The following GFRA1 variants were observed in gnomAD, a reference collection of about 807,000 sequenced individuals.
The protein encoded by GFRA1 is GDNF family receptor alpha 1.
Under a neutral mutation model 51.6 loss-of-function variants are expected in GFRA1, and 16 were observed. The observed-to-expected ratio is 0.31, with a 90% confidence interval of 0.21 to 0.47. The LOEUF is 0.47. Ranked by LOEUF, GFRA1 falls within the 20% of genes least tolerant of loss-of-function variation. The pLI, the probability that GFRA1 is intolerant of heterozygous loss-of-function variation, is 1.00. For synonymous variants in GFRA1, 270 were observed against 241.3 expected (o/e 1.12, Z -1.10); for missense variants, 530 against 594.3 (o/e 0.89, Z 1.13).
intron 4 of GFRA1, among the ~76,000 whole-genome samples, chr10:116,235,631 C>T (rs565188194): frequency 1.1e-4 from 17 of 152,302 alleles, no homozygotes; most frequent in South Asian, 4.1e-4. Context: ...ATCCCCATCC[C>T]TCCTGTCACA....
intron 5 of GFRA1, among the ~76,000 whole-genome samples, chr10:116,142,910 T>G (rs1335544045): frequency 1.3e-5 from 2 of 152,160 alleles, no homozygotes; most frequent in Non-Finnish European, 2.9e-5. Flanking sequence ...TTGGCCTTAT[T>G]TTTCCACTGC....
At chr10:116,243,557 G>GC (rs567430536) in intron 4 of GFRA1, among the ~76,000 whole-genome samples, 1 of 131,742 alleles carries the variant, frequency 7.6e-6, no homozygotes, top group Non-Finnish European at 1.7e-5. Context: ...AAAAGGGTTT[G>GC]GTTTTTTTTT....
intron 6 of GFRA1, among the ~76,000 whole-genome samples, chr10:116,102,718 C>A (rs376988605): frequency 1.3e-5 from 2 of 152,082 alleles, no homozygotes; most frequent in Non-Finnish European, 2.9e-5. Context: ...GAGAAGAGTA[C>A]GGGGGAAACT....
At chr10:116,154,250 T>C (rs1409573018) in intron 5 of GFRA1, among the ~76,000 whole-genome samples, 1 of 152,194 alleles carries the variant, frequency 6.6e-6, no homozygotes, top group Non-Finnish European at 1.5e-5. Context: ...TGTCTATACG[T>C]TCACCAAAAG....
intron 4 of GFRA1, among the ~76,000 whole-genome samples, chr10:116,256,097 GT>G (rs1391125047): frequency 6.6e-6 from 1 of 152,060 alleles, no homozygotes; most frequent in Non-Finnish European, 1.5e-5. Flanking sequence ...GAAACATTCC[GT>G]AAGTGTTACT....
chr10:116,175,853 C>G (rs1257857467), intron 5 of GFRA1, among the ~76,000 whole-genome samples: 3 of 152,156 alleles, frequency 2.0e-5, no homozygotes, highest in African/African-American at 7.2e-5. Flanking sequence ...AAGGGACCTA[C>G]CCATTTCAAC....
chr10:116,111,424 C>G (rs1383559068), intron 6 of GFRA1, among the ~76,000 whole-genome samples: 2 of 152,206 alleles, frequency 1.3e-5, no homozygotes, highest in Non-Finnish European at 2.9e-5. Flanking sequence ...GTGGTCCCCA[C>G]AGCCTTCCAA....
intron 5 of GFRA1, among the ~76,000 whole-genome samples, chr10:116,207,307 A>G (rs1964856730): frequency 6.6e-6 from 1 of 151,942 alleles, no homozygotes; most frequent in African/African-American, 2.4e-5. Context: ...CATTCTGGCC[A>G]TAGATGAGTT....
intron 5 of GFRA1, among the ~76,000 whole-genome samples, chr10:116,158,731 G>A (rs1458180340): frequency 6.6e-6 from 1 of 152,216 alleles, no homozygotes; most frequent in African/African-American, 2.4e-5. Flanking sequence ...CACTGCAAGA[G>A]GTACTCACAG....
At chr10:116,064,949 T>C (rs1486445807) in intron 10 of GFRA1, among the ~76,000 whole-genome samples, 1 of 152,104 alleles carries the variant, frequency 6.6e-6, no homozygotes, top group East Asian at 1.9e-4. Flanking sequence ...CCAGATTTTA[T>C]AGATGAGGAG....
chr10:116,066,537 A>G (rs564682621), intron 9 of GFRA1, among the ~76,000 whole-genome samples: 1 of 152,348 alleles, frequency 6.6e-6, no homozygotes, highest in Admixed American at 6.5e-5. Context: ...AATTACAGTG[A>G]AAATGCGTGT....
At chr10:116,140,680 A>C (rs1434796336) in intron 5 of GFRA1, among the ~76,000 whole-genome samples, 1 of 152,188 alleles carries the variant, frequency 6.6e-6, no homozygotes, top group East Asian at 1.9e-4. Flanking sequence ...GAAAAAAAAA[A>C]CAAATGTCTA....
chr10:116,152,717 C>T (rs17094241), intron 5 of GFRA1, among the ~76,000 whole-genome samples: 4,791 of 152,228 alleles, frequency 0.031, 263 homozygotes, highest in African/African-American at 0.11. Flanking sequence ...GGGTATGCTC[C>T]GATTTAAATA....
rs1488238649 is a variant in GFRA1 at position 116,062,312 on chromosome 10, TC to T, written c.*2085del. On this transcript the variant is annotated 3_prime_UTR_variant, in exon 11 of 11. Coordinates refer to ENST00000355422, the MANE Select transcript of GFRA1 (RefSeq NM_005264.8). ...ATATGCGCTCATAGATAACTGGCATTCCAAATATTTTGACACACTTACTTAA... is the reference window on the plus strand; with the variant it reads ...ATATGCGCTCATAGATAACTGGCATTCAAATATTTTGACACACTTACTTAA... 3 of 394,296 alleles carry T rather than the reference TC, an allele frequency of 7.6e-6. No homozygotes were observed. Among genetic ancestry groups the T allele is most frequent in the Non-Finnish European group, 1.3e-5 (3 of 223,916 alleles). The allele number at this position is 394,296 out of a possible 1,614,324, so 24.4% of individuals were successfully genotyped here.
intron 10 of GFRA1, 26 bp downstream of exon 10, chr10:116,065,547 G>T: frequency 3.1e-6 from 5 of 1,590,566 alleles, no homozygotes; most frequent in Non-Finnish European, 4.3e-6. Context: ...ATAAATGCAC[G>T]AAGCCTCCAA....
intron 5 of GFRA1, among the ~76,000 whole-genome samples, chr10:116,195,596 T>C (rs80109878): frequency 6.6e-6 from 1 of 152,178 alleles, no homozygotes; most frequent in East Asian, 1.9e-4. Context: ...CTGGCGGTAA[T>C]GCTCTTTTGC....
chr10:116,069,448 G>A (rs568246461), intron 9 of GFRA1, among the ~76,000 whole-genome samples: 1 of 152,034 alleles, frequency 6.6e-6, no homozygotes, highest in Non-Finnish European at 1.5e-5. Context: ...CAAACCAAAC[G>A]CCTTCCCTAC....
rs34421448 is a variant in GFRA1 at position 116,272,324 on chromosome 10, T to TC, written c.-246-50dup. On this transcript the variant is annotated intron_variant, in intron 1 of 10. Coordinates refer to ENST00000355422, the MANE Select transcript of GFRA1 (RefSeq NM_005264.8). This position sits in a 1 kb window ranked among gnomAD's most constrained non-coding sequence, Gnocchi z 4.4. The stretch of plus-strand genomic sequence containing the variant: ...GATGAGAGCGGAGAGCGCCGGAGAC[T>TC]CCCCCCACAGAACCCTCTCCCCTCC... 5.7e-6 allele frequency: 3 copies of TC among 524,354 alleles called. No homozygotes were observed. Among genetic ancestry groups the TC allele is most frequent in the Non-Finnish European group, 1.0e-5 (3 of 290,412 alleles). 32.5% of individuals were successfully genotyped at this position (524,354 alleles called of 1,614,324 possible).
At chr10:116,136,128 C>T (rs3781533) in intron 5 of GFRA1, among the ~76,000 whole-genome samples, 111,223 of 152,062 alleles carry the variant, frequency 0.73, 40,845 homozygotes, top group South Asian at 0.81. Context: ...GGTCCTTCTA[C>T]AGACAAAATT....
Sources: gnomAD v4.1 joint callset for allele counts (sites outside exome capture counted in the v4.1 genomes callset) on GRCh38, gnomAD v4.1.1 for gene constraint, Gnocchi (gnomAD v3.1) non-coding constraint, MANE v1.5 for transcripts, NCBI Gene and HGNC (gene_info 2026-07-23, HGNC 2026-07-21) for gene names.